Variants in OLFM1 observed in about 807,000 individuals in gnomAD.
OLFM1 encodes noelin.
In OLFM1, 9 loss-of-function variants were observed where a neutral mutation model predicts 49.7. The ratio of observed to expected loss-of-function variants is 0.18; its 90% CI spans 0.11 to 0.32. OLFM1 has a LOEUF of 0.32. Among genes scored for constraint, OLFM1 ranks in the 10% least tolerant of loss-of-function variants. The pLI is 1.00. For synonymous variants in OLFM1, 240 were observed against 271.8 expected (o/e 0.88, Z 1.15); for missense variants, 369 against 661.8 (o/e 0.56, Z 4.85).
chr9:135,112,542 T>A (rs773945148), intron 5 of OLFM1, among the ~76,000 whole-genome samples: 3 of 152,168 alleles, frequency 2.0e-5, no homozygotes, highest in African/African-American at 4.8e-5. Flanking sequence ...GGCCCAGCCT[T>A]GGGGCTCTGT....
In OLFM1 at chr9:135,091,814, T is replaced by TCACACAC. The variant is rs1372396008; in HGVS notation, c.300+1470_300+1471insCACACAC. On this transcript the variant is annotated intron_variant, in intron 2 of 5. Coordinates refer to ENST00000371793, the MANE Select transcript of OLFM1 (RefSeq NM_001282611.2). ...AGTCACACAGTCACACACACTCACA[T>TCACACAC]AGTCACACACACTCACAGTCACACA... Among the ~76,000 whole-genome samples, 170 of 70,920 alleles carry TCACACAC rather than the reference T, an allele frequency of 2.4e-3. 1 individual carries two copies. Among genetic ancestry groups the TCACACAC allele is most frequent in the African/African-American group, 9.9e-3 (159 of 16,108 alleles). 46.5% of individuals were successfully genotyped at this position (70,920 alleles called of 152,430 possible).
In OLFM1 at chr9:135,087,684, T is replaced by C; in HGVS notation, c.-306T>C. ...GCAGCGCTCAGAGCCGGACGGCGCT[T>C]CCCGGTGGCGGCGGAGGAGCCCGGA... On this transcript the variant is annotated 5_prime_UTR_variant, in exon 1 of 6. Transcript: ENST00000371793. The C allele has an allele frequency of 2.3e-6, 1 of 442,452 alleles. No individual in the cohort carries two copies. Among genetic ancestry groups the C allele is most frequent in the Non-Finnish European group, 3.3e-6 (1 of 306,684 alleles). 27.4% of individuals were successfully genotyped at this position (442,452 alleles called of 1,614,324 possible).
At chr9:135,100,448 C>T (rs1830855639) in intron 4 of OLFM1, among the ~76,000 whole-genome samples, 1 of 152,322 alleles carries the variant, frequency 6.6e-6, no homozygotes. Flanking sequence ...TAACAGGCCT[C>T]CAGAGGCCCT....
intron 1 of OLFM1, chr9:135,076,987 C>T (rs1830475181): frequency 1.3e-6 from 2 of 1,550,584 alleles, no homozygotes; most frequent in South Asian, 2.4e-5. Context: ...TTATGTCGTC[C>T]CGCTTACCCT....
Position 135,108,959 on chromosome 9 carries a change from C to T in OLFM1, c.783+2104C>T, listed in dbSNP as rs1303501207. ...TACAAGTGCCCTTCCCACACCTCCC[C>T]GCAATCTGGCCCACCCCACTATGCA... On this transcript the variant is annotated intron_variant, in intron 5 of 5. Coordinates refer to ENST00000371793, the MANE Select transcript of OLFM1 (RefSeq NM_001282611.2). Among the ~76,000 whole-genome samples the T allele has an allele frequency of 5.3e-5, 8 of 152,268 alleles. No individual in the cohort carries two copies. The East Asian group carries it at 9.7e-4, about 18-fold the overall frequency.
intron 3 of OLFM1, among the ~76,000 whole-genome samples, chr9:135,096,956 G>A (rs1388814637): frequency 6.6e-6 from 1 of 152,202 alleles, no homozygotes. Context: ...GATGCCCACA[G>A]TTGACTCCAT....
At chr9:135,114,983 A>G (rs1206163104) in intron 5 of OLFM1, among the ~76,000 whole-genome samples, 1 of 152,136 alleles carries the variant, frequency 6.6e-6, no homozygotes, top group African/African-American at 2.4e-5. Context: ...CCCCTGCTCT[A>G]TGGCAGGAAG....
Position 135,080,112 on chromosome 9 carries a change from C to A in OLFM1, c.96+4310C>A, listed in dbSNP as rs936084747. ...CCTCTGAATCTGTTCCTCATCCCCC[C>A]ATTTAGCTCATTCTAGAGCTGAAGA... On this transcript the variant is annotated intron_variant, in intron 1 of 5. Transcript: ENST00000252854. This position sits in a 1 kb window ranked among gnomAD's most constrained non-coding sequence, Gnocchi z 4.5. Among the ~76,000 whole-genome samples, 2 of 149,086 alleles carry A rather than the reference C, an allele frequency of 1.3e-5. No homozygotes were observed. Among genetic ancestry groups the A allele is most frequent in the East Asian group, 2.0e-4 (1 of 5,118 alleles).
chr9:135,092,600 G>A (rs142377132), intron 2 of OLFM1, among the ~76,000 whole-genome samples: 1,543 of 152,282 alleles, frequency 0.01, 38 homozygotes, highest in Admixed American at 0.056. Context: ...TGTGGGGGCC[G>A]GCGAGAGTCA....
chr9:135,099,117 T>A (rs922156011), intron 4 of OLFM1, among the ~76,000 whole-genome samples: 1 of 152,216 alleles, frequency 6.6e-6, no homozygotes, highest in African/African-American at 2.4e-5. Flanking sequence ...CCCATTCACC[T>A]TATCAACTTT....
At chr9:135,079,413 G>T (rs960208585) in intron 1 of OLFM1, among the ~76,000 whole-genome samples, 15 of 152,038 alleles carry the variant, frequency 9.9e-5, no homozygotes, top group Non-Finnish European at 8.8e-5. Flanking sequence ...AAACCAGCCC[G>T]GCCAACATGA....
At chr9:135,107,811 C>A (rs1830966726) in intron 5 of OLFM1, among the ~76,000 whole-genome samples, 1 of 152,238 alleles carries the variant, frequency 6.6e-6, no homozygotes, top group Non-Finnish European at 1.5e-5. Context: ...ATCCTCTAAG[C>A]TTTATCTGGA....
chr9:135,078,298 A>G (rs1018928189), intron 1 of OLFM1, among the ~76,000 whole-genome samples: 5 of 152,210 alleles, frequency 3.3e-5, no homozygotes, highest in Non-Finnish European at 7.3e-5. Flanking sequence ...AGGGATGGAC[A>G]TGCGATTCTA....
In OLFM1 at chr9:135,098,321, G is replaced by A; in HGVS notation, c.492G>A (p.Leu164=). The A allele has an allele frequency of 6.2e-7, 1 of 1,613,862 alleles. No homozygotes were observed. Among genetic ancestry groups the A allele is most frequent in the Non-Finnish European group, 8.5e-7 (1 of 1,180,010 alleles). ...CGAAAATGGATGAACTTAGGCCTTTGATACCTGTGTTGGAAGAGTACAAGG... is the reference window on the plus strand; with the variant it reads ...CGAAAATGGATGAACTTAGGCCTTTAATACCTGTGTTGGAAGAGTACAAGG... ...IKAKMDELRP[L]IPVLEEYKAD... is the part of the protein sequence containing the mutation. The change falls in exon 4 of 6, where the codon TTG becomes TTA. Residue 164 remains leucine, a synonymous_variant. Transcript: ENST00000371793. This position sits in a 1 kb window ranked among gnomAD's most constrained non-coding sequence, Gnocchi z 5.6.
chr9:135,081,519 T>C (rs1830532463), intron 1 of OLFM1, among the ~76,000 whole-genome samples: 1 of 151,966 alleles, frequency 6.6e-6, no homozygotes, highest in Non-Finnish European at 1.5e-5. Flanking sequence ...CCCCTGAGGA[T>C]CAAAGACCCC....
upstream of OLFM1, chr9:135,086,446 T>G (rs13289444): frequency 0.042 from 15,482 of 368,278 alleles, 493 homozygotes; most frequent in Admixed American, 0.088. Context: ...AGGAAGGCGT[T>G]GTTCCTCTCA....
rs541899155 is a variant in OLFM1, at chr9:135,088,261, G to A, written c.150+122G>A. On this transcript the variant is annotated intron_variant, in intron 1 of 5. Coordinates refer to ENST00000371793, the MANE Select transcript of OLFM1 (RefSeq NM_001282611.2). This position sits in a 1 kb window ranked among gnomAD's most constrained non-coding sequence, Gnocchi z 4.8. ...GACCCGAGTCGCCCAGGGAGGCGGC[G>A]GGGAGCAGGGCGGGCAAGGGCAGGC... is the stretch of plus-strand genomic sequence containing the variant. The A allele has an allele frequency of 1.0e-6, 1 of 959,326 alleles. No individual in the cohort carries two copies. Among genetic ancestry groups the A allele is most frequent in the Non-Finnish European group, 1.3e-6 (1 of 750,524 alleles). 59.4% of individuals were successfully genotyped at this position (959,326 alleles called of 1,614,324 possible).
At position 135,117,175 on chromosome 9, in the gene OLFM1, C is replaced by T. The variant is rs1013440102; in HGVS notation, c.784-2329C>T. 6.6e-6 allele frequency among the ~76,000 whole-genome samples: 1 copy of T among 152,148 alleles called. No homozygotes were observed. Among genetic ancestry groups the T allele is most frequent in the Non-Finnish European group, 1.5e-5 (1 of 68,034 alleles). On this transcript the variant is annotated intron_variant, in intron 5 of 5. Transcript: ENST00000371793. This position sits in a 1 kb window ranked among gnomAD's most constrained non-coding sequence, Gnocchi z 5.5. ...GGTTGAAAATGACTAAAGCATTTTG[C>T]GCAAAGTCCAGACAGTTCTCAAGTC...
chr9:135,119,028 ACTCACTGGATCTTTGGAAGTG>A (rs1167381028), intron 5 of OLFM1, among the ~76,000 whole-genome samples: 9 of 110,832 alleles, frequency 8.1e-5, no homozygotes, highest in African/African-American at 2.4e-4. Flanking sequence ...TCTTTGGATT[ACTCACTGGATCTTTGGAAGTG>A]CTCACTGGAT....
Sources: allele counts gnomAD v4.1 joint callset (sites outside exome capture counted in the v4.1 genomes callset), GRCh38; gene constraint gnomAD v4.1.1; non-coding constraint Gnocchi (gnomAD v3.1); transcripts MANE v1.5; gene names NCBI Gene and HGNC (gene_info 2026-07-23, HGNC 2026-07-21).